OR56A3: variants seen among roughly 807,000 people sequenced by gnomAD.
The protein encoded by OR56A3 is olfactory receptor 56A3.
OR56A3 carries 23 observed loss-of-function variants against 17.5 expected under a neutral mutation model. That is an observed-to-expected ratio of 1.32 (90% CI 0.95 to 1.87). The LOEUF (loss-of-function observed/expected upper bound fraction) is 1.87, where lower values mean the gene tolerates loss of function less well. Among genes scored for constraint, OR56A3 ranks in the 40% most tolerant of loss-of-function variants. The pLI, the probability that OR56A3 is intolerant of heterozygous loss-of-function variation, is 0.00. For missense variants in OR56A3, 366 were observed against 380.1 expected (o/e 0.96, Z 0.31); for synonymous variants, 175 against 150.6 (o/e 1.16, Z -1.19).
chr11:5,996,375 A>G, the OR56A3 span, among the ~76,000 whole-genome samples: 3 of 152,166 alleles, frequency 2.0e-5, no homozygotes, highest in Admixed American at 2.0e-4. Context: ...TAATCAACAC[A>G]TCCAAAGTTC....
the OR56A3 span, chr11:5,986,185 C>T: frequency 1.2e-6 from 2 of 1,613,858 alleles, no homozygotes; most frequent in Admixed American, 1.7e-5. Flanking sequence ...TCGGGCCTCA[C>T]TCCCTGGTAC....
At chr11:5,982,794 G>A in the OR56A3 span, among the ~76,000 whole-genome samples, 1 of 152,106 alleles carries the variant, frequency 6.6e-6, no homozygotes, top group Non-Finnish European at 1.5e-5. Flanking sequence ...GGGGTTGTGG[G>A]GTCCCCTGCA....
At chr11:5,994,510 C>T in the OR56A3 span, 2 of 859,094 alleles carry the variant, frequency 2.3e-6, no homozygotes, top group South Asian at 1.3e-5. Context: ...CTTTTACTTC[C>T]TTTTCATGGT....
chr11:5,948,635 G>T lies in OR56A3; in HGVS notation c.*341G>T. ...TTTGTATCATTAAAAATACAACTGC[G>T]GTTATTTTGTTGTGTCTGTTATGTG... On this transcript the variant is annotated 3_prime_UTR_variant, in exon 3 of 3. Transcript: ENST00000641160. 4.5e-6 allele frequency: 1 copy of T among 222,228 alleles called. No individual in the cohort carries two copies. Among genetic ancestry groups the T allele is most frequent in the South Asian group, 9.9e-5 (1 of 10,132 alleles). The allele number at this position is 222,228 out of a possible 1,614,324, so 13.8% of individuals were successfully genotyped here. A position where few individuals can be genotyped will look rare whatever the true frequency, so the allele number is the denominator to read the frequency against.
chr11:5,948,013 A>C lies in OR56A3; in HGVS notation c.667A>C (p.Thr223Pro), dbSNP rs751654926. 2.5e-6 allele frequency: 4 copies of C among 1,614,006 alleles called. No homozygotes were observed. The highest frequency in any genetic ancestry group is 3.4e-6 in the Non-Finnish European group (4 of 1,179,992). ...CCTCATCCTTATCTTCCTCTCCTAC[A>C]CCTTCATTCTGCGAGCTGTGCTGAG... ...SDLILIFLSY[T>P]FILRAVLRLK... Residue 223 changes from threonine (T) to proline (P), a missense_variant, in exon 3 of 3, where the codon ACC becomes CCC. Transcript: ENST00000641160.
At chr11:5,956,520 A>G in the OR56A3 span, among the ~76,000 whole-genome samples, 1 of 152,248 alleles carries the variant, frequency 6.6e-6, no homozygotes, top group Non-Finnish European at 1.5e-5. Flanking sequence ...TGAAACAACA[A>G]CTATAAAACA....
Position 5,947,404 on chromosome 11 carries a change from T to G in OR56A3, c.58T>G (p.Cys20Gly). ...TGAAGCTTCAGACTTCCTCTTGAAT[T>G]GTTTTGTCAGATCCCCCAGCTGGCA... ...STEASDFLLN[C>G]FVRSPSWQHW... Residue 20 changes from cysteine (C) to glycine (G), a missense_variant, in exon 3 of 3, where the codon TGT becomes GGT. By Grantham distance (159) the Cys-to-Gly change is radical (BLOSUM62 -3). Transcript: ENST00000641160. 3.7e-6 allele frequency: 6 copies of G among 1,613,986 alleles called. No homozygotes were observed. The highest frequency in any genetic ancestry group is 5.1e-6 in the Non-Finnish European group (6 of 1,179,928).
the OR56A3 span, among the ~76,000 whole-genome samples, chr11:5,972,653 A>T: frequency 4.6e-5 from 7 of 152,278 alleles, no homozygotes; most frequent in South Asian, 1.2e-3. Flanking sequence ...CAGCTAAGTT[A>T]AAGGTTCCCA....
At chr11:5,968,550 G>A in the OR56A3 span, 1 of 1,211,378 alleles carries the variant, frequency 8.3e-7, no homozygotes, top group Non-Finnish European at 1.2e-6. Context: ...ATAAGACACA[G>A]GAATTAGAAA....
the OR56A3 span, chr11:5,994,896 C>T: frequency 4.0e-6 from 3 of 758,704 alleles, no homozygotes; most frequent in Admixed American, 5.2e-5. Flanking sequence ...GCCAGGCAGT[C>T]ATTCAGGCTT....
the OR56A3 span, among the ~76,000 whole-genome samples, chr11:5,974,657 G>A: frequency 1.3e-5 from 2 of 151,730 alleles, no homozygotes; most frequent in South Asian, 2.1e-4. Context: ...TAGAACGACA[G>A]GCAGGTGGAG....
chr11:5,982,843 T>A, the OR56A3 span, among the ~76,000 whole-genome samples: 111,900 of 151,972 alleles, frequency 0.74, 42,055 homozygotes, highest in East Asian at 0.87. Context: ...GGGCCACACA[T>A]TGCCTATTTA....
the OR56A3 span, among the ~76,000 whole-genome samples, chr11:5,982,161 C>T: frequency 1.3e-5 from 2 of 152,174 alleles, no homozygotes; most frequent in African/African-American, 4.8e-5. Context: ...GTCAGGGCAG[C>T]ACATGTGCTG....
the OR56A3 span, among the ~76,000 whole-genome samples, chr11:5,992,434 T>C: frequency 0.22 from 33,535 of 152,180 alleles, 4,170 homozygotes; most frequent in Middle Eastern, 0.29. Flanking sequence ...AACTAGATCA[T>C]AGTTTAATTT....
the OR56A3 span, among the ~76,000 whole-genome samples, chr11:5,966,893 A>AACACAC: frequency 0.26 from 37,737 of 146,930 alleles, 5,093 homozygotes; most frequent in South Asian, 0.36. Flanking sequence ...CACTTAAAGC[A>AACACAC]ACACACACAC....
the OR56A3 span, among the ~76,000 whole-genome samples, chr11:5,980,996 T>C: frequency 6.6e-6 from 1 of 152,216 alleles, no homozygotes; most frequent in Non-Finnish European, 1.5e-5. Flanking sequence ...GTCCCTCATC[T>C]CTTTTAGTTT....
chr11:5,965,292 A>C, the OR56A3 span, among the ~76,000 whole-genome samples: 1 of 152,218 alleles, frequency 6.6e-6, no homozygotes, highest in Non-Finnish European at 1.5e-5. Context: ...CAGCAAACAG[A>C]AATCAAATAG....
chr11:5,994,642 C>T, the OR56A3 span: 3 of 778,250 alleles, frequency 3.9e-6, no homozygotes, highest in Non-Finnish European at 6.9e-6. Context: ...CAGACTGGCA[C>T]ATGGCCAGTT....
the OR56A3 span, among the ~76,000 whole-genome samples, chr11:5,961,784 T>C: frequency 6.6e-6 from 1 of 151,698 alleles, no homozygotes; most frequent in Non-Finnish European, 1.5e-5. Flanking sequence ...AGCGATTGCA[T>C]TGACTCTATA....
Sources: allele counts gnomAD v4.1 joint callset (sites outside exome capture counted in the v4.1 genomes callset), GRCh38; gene constraint gnomAD v4.1.1; transcripts MANE v1.5; gene names NCBI Gene and HGNC (gene_info 2026-07-23, HGNC 2026-07-21).